Variants in EYS observed in about 807,000 individuals in gnomAD.
EYS encodes EGF-like photoreceptor maintenance factor.
In EYS, 250 loss-of-function variants were observed where a neutral mutation model predicts 282.1. That is an observed-to-expected ratio of 0.89 (90% CI 0.80 to 0.98). The LOEUF (loss-of-function observed/expected upper bound fraction) is 0.98. Among genes scored for constraint, EYS ranks in the 50% least tolerant of loss-of-function variants. The pLI is 0.00. For missense variants in EYS, 4,016 were observed against 3,709.0 expected, an observed-to-expected ratio of 1.08 and a Z score of -2.15; for synonymous variants, 1,355 against 1,282.9, an observed-to-expected ratio of 1.06 and a Z score of -1.20.
chr6:64,299,969 G>A (rs1397028654), intron 30 of EYS, among the ~76,000 whole-genome samples: 1 of 151,994 alleles, frequency 6.6e-6, no homozygotes, highest in African/African-American at 2.4e-5. Flanking sequence ...GCTATCACCA[G>A]GCCAAAATAA....
chr6:65,081,770 T>C (rs542869232), intron 12 of EYS, among the ~76,000 whole-genome samples: 1 of 152,206 alleles, frequency 6.6e-6, no homozygotes, highest in South Asian at 2.1e-4. Flanking sequence ...TGGGTCACAA[T>C]TTTAAGAACA....
At chr6:64,020,360 C>G (rs142343557) in intron 33 of EYS, among the ~76,000 whole-genome samples, 1 of 151,986 alleles carries the variant, frequency 6.6e-6, no homozygotes, top group African/African-American at 2.4e-5. Flanking sequence ...ATCATAAAAC[C>G]TTTTCCTTTA....
At chr6:65,011,330 T>C (rs1194627604) in intron 13 of EYS, among the ~76,000 whole-genome samples, 2 of 152,202 alleles carry the variant, frequency 1.3e-5, no homozygotes, top group African/African-American at 4.8e-5. Context: ...TCCCCTGCAT[T>C]GCAGGCCATA....
At chr6:65,448,681 T>G (rs968532143) in intron 5 of EYS, among the ~76,000 whole-genome samples, 5 of 152,074 alleles carry the variant, frequency 3.3e-5, no homozygotes, top group African/African-American at 1.2e-4. Context: ...ATAAAGCTCT[T>G]ACAAACATAT....
intron 2 of EYS, among the ~76,000 whole-genome samples, chr6:65,616,827 C>A (rs912585222): frequency 6.6e-6 from 1 of 150,938 alleles, no homozygotes. Context: ...TCTAATAAAA[C>A]GAAGAAAAAA....
chr6:64,486,068 G>T (rs887533394), intron 26 of EYS, among the ~76,000 whole-genome samples: 14 of 151,428 alleles, frequency 9.2e-5, no homozygotes, highest in Non-Finnish European at 1.6e-4. Context: ...GTAATCAAAT[G>T]TGATTAAACC....
chr6:65,311,057 A>G (rs540724019), intron 11 of EYS, among the ~76,000 whole-genome samples: 1 of 151,568 alleles, frequency 6.6e-6, no homozygotes, highest in Admixed American at 6.6e-5. Context: ...GATGATGAAT[A>G]AAATATTATT....
chr6:64,377,531 T>C (rs184443303), intron 29 of EYS, among the ~76,000 whole-genome samples: 8 of 152,210 alleles, frequency 5.3e-5, no homozygotes, highest in East Asian at 1.9e-4. Flanking sequence ...CCCTTATCTG[T>C]GAAATGGAGA....
At chr6:65,240,129 C>G (rs1365126395) in intron 12 of EYS, among the ~76,000 whole-genome samples, 1 of 151,902 alleles carries the variant, frequency 6.6e-6, no homozygotes, top group Non-Finnish European at 1.5e-5. Flanking sequence ...CCACCACACC[C>G]AGCTAATTTT....
chr6:64,087,189 C>T (rs1464175265), intron 31 of EYS, among the ~76,000 whole-genome samples: 3 of 152,088 alleles, frequency 2.0e-5, no homozygotes, highest in East Asian at 1.9e-4. Context: ...ACAGTTTCTT[C>T]GTGTTATTTT....
At position 65,606,195 on chromosome 6, in the gene EYS, A is replaced by G. The variant is rs1219840545; in HGVS notation, c.-333+33583T>C. 2.7e-5 allele frequency among the ~76,000 whole-genome samples: 4 copies of G among 150,202 alleles called. No homozygotes were observed. In the Admixed American group the frequency reaches 2.7e-4, roughly 10 times the overall value. On this transcript the variant is annotated intron_variant, in intron 2 of 42. Coordinates refer to ENST00000503581, the MANE Select transcript of EYS (RefSeq NM_001142800.2). ...ATTCCTTACCTTCCACATATTTACA[A>G]CCAGTATTCAAAAATAGTTTTAAAA...
intron 19 of EYS, among the ~76,000 whole-genome samples, chr6:64,846,990 T>C (rs1212648048): frequency 7.0e-6 from 1 of 143,554 alleles, no homozygotes; most frequent in Non-Finnish European, 1.5e-5. Flanking sequence ...GTAAACTGAG[T>C]AAAGCATATT....
At chr6:65,353,740 C>G (rs1764373814) in intron 8 of EYS, 123 bp from the exon 9 acceptor site, 1 of 698,226 alleles carries the variant, frequency 1.4e-6, no homozygotes, top group Non-Finnish European at 2.5e-6. Flanking sequence ...ATGGGACACA[C>G]TTTTTATACT....
At chr6:64,232,439 G>A (rs899240909) in intron 30 of EYS, among the ~76,000 whole-genome samples, 2 of 152,142 alleles carry the variant, frequency 1.3e-5, no homozygotes, top group Non-Finnish European at 2.9e-5. Flanking sequence ...GCCGAGGCTG[G>A]AGTGCAATGG....
chr6:64,909,002 C>T (rs1030822516), intron 16 of EYS, among the ~76,000 whole-genome samples: 3 of 152,170 alleles, frequency 2.0e-5, no homozygotes, highest in Non-Finnish European at 2.9e-5. Context: ...GATGTTTCAC[C>T]GGGTACCCAC....
At chr6:64,913,891 G>A (rs757922861) in intron 15 of EYS, among the ~76,000 whole-genome samples, 1 of 152,062 alleles carries the variant, frequency 6.6e-6, no homozygotes, top group Non-Finnish European at 1.5e-5. Context: ...TGCGATAATT[G>A]AAGGGAAAGC....
At chr6:64,164,082 C>T (rs769583769) in intron 31 of EYS, among the ~76,000 whole-genome samples, 6 of 152,070 alleles carry the variant, frequency 3.9e-5, no homozygotes, top group Non-Finnish European at 8.8e-5. Flanking sequence ...AAGTAAACTC[C>T]TAAATGGTGA....
chr6:64,089,120 C>T (rs191135261), intron 31 of EYS, among the ~76,000 whole-genome samples: 19 of 151,660 alleles, frequency 1.3e-4, no homozygotes, highest in South Asian at 2.1e-4. Flanking sequence ...AACTCTGTGA[C>T]GAAGTTTATA....
intron 15 of EYS, among the ~76,000 whole-genome samples, chr6:64,926,580 G>A (rs950282823): frequency 1.3e-5 from 2 of 152,094 alleles, no homozygotes; most frequent in African/African-American, 4.8e-5. Flanking sequence ...TCATGCACTG[G>A]GGATTCACTC....
Sources: gnomAD v4.1 joint callset for allele counts (sites outside exome capture counted in the v4.1 genomes callset) on GRCh38, gnomAD v4.1.1 for gene constraint, MANE v1.5 for transcripts, NCBI Gene and HGNC (gene_info 2026-07-23, HGNC 2026-07-21) for gene names.